ZNF423: variants seen among roughly 807,000 people sequenced by gnomAD.
ZNF423 encodes Ebf-associated zinc finger protein.
In ZNF423, 12 loss-of-function variants were observed where a neutral mutation model predicts 95.8. The observed-to-expected ratio is 0.13, with a 90% CI of 0.08 to 0.20. The LOEUF (loss-of-function observed/expected upper bound fraction) is 0.20. Among genes scored for constraint, ZNF423 ranks in the 10% least tolerant of loss-of-function variants. The pLI is 1.00. For synonymous variants in ZNF423, 749 were observed against 711.9 expected, an observed-to-expected ratio of 1.05 and a Z score of -0.83; for missense variants, 1,316 against 1,737.1, an observed-to-expected ratio of 0.76 and a Z score of 4.31.
At chr16:49,813,813 G>T (rs1209554477) in intron 1 of ZNF423, among the ~76,000 whole-genome samples, 1 of 152,238 alleles carries the variant, frequency 6.6e-6, no homozygotes, top group Admixed American at 6.5e-5. Context: ...TGAGACCATG[G>T]AGATGGTCCT....
intron 7 of ZNF423, among the ~76,000 whole-genome samples, chr16:49,494,802 G>A (rs945942120): frequency 2.6e-5 from 4 of 152,184 alleles, no homozygotes; most frequent in South Asian, 2.1e-4. Context: ...TTCAATAACC[G>A]TGAAAGAACC....
intron 1 of ZNF423, among the ~76,000 whole-genome samples, chr16:49,809,972 C>T (rs2034726242): frequency 6.6e-6 from 1 of 151,856 alleles, no homozygotes; most frequent in Admixed American, 6.6e-5. Context: ...CTCCTTCCCT[C>T]GAGGACAGGG....
At chr16:49,733,054 T>C (rs1217576325) in intron 2 of ZNF423, among the ~76,000 whole-genome samples, 1 of 152,198 alleles carries the variant, frequency 6.6e-6, no homozygotes, top group African/African-American at 2.4e-5. Context: ...CATATTTATC[T>C]CAGGGAATCT....
intron 3 of ZNF423, among the ~76,000 whole-genome samples, chr16:49,655,672 T>C (rs187664437): frequency 2.6e-5 from 4 of 152,274 alleles, no homozygotes; most frequent in African/African-American, 9.6e-5. Context: ...TCCTCCACTT[T>C]TGGAATAAAT....
At chr16:49,821,737 G>A (rs533675837) in intron 1 of ZNF423, among the ~76,000 whole-genome samples, 7 of 152,170 alleles carry the variant, frequency 4.6e-5, no homozygotes, top group South Asian at 2.1e-4. Context: ...TCCCTCCCCC[G>A]GTGTGTGCGA....
chr16:49,630,592 C>T (rs1311141654), intron 4 of ZNF423, among the ~76,000 whole-genome samples: 1 of 152,082 alleles, frequency 6.6e-6, no homozygotes, highest in Non-Finnish European at 1.5e-5. Flanking sequence ...GTCCCCCCTC[C>T]AAGGATGGCG....
At chr16:49,840,222 C>G (rs2035168585) in intron 1 of ZNF423, among the ~76,000 whole-genome samples, 1 of 152,136 alleles carries the variant, frequency 6.6e-6, no homozygotes, top group African/African-American at 2.4e-5. Flanking sequence ...GAGTCCCACG[C>G]TGGCATTTTA....
intron 4 of ZNF423, among the ~76,000 whole-genome samples, chr16:49,631,418 AC>A (rs1972491446): frequency 6.8e-6 from 1 of 147,430 alleles, no homozygotes; most frequent in African/African-American, 2.5e-5. Flanking sequence ...CCCACTCTCA[AC>A]CCCCCTGGAG....
Position 49,488,596 on chromosome 16 carries a change from A to G in ZNF423, c.*2679T>C, listed in dbSNP as rs949744067. 6.6e-6 allele frequency: 1 copy of G among 152,208 alleles called. No individual in the cohort carries two copies. The highest frequency in any genetic ancestry group is 1.5e-5 in the Non-Finnish European group (1 of 68,054). The allele number at this position is 152,208 out of a possible 1,614,324, so 9.4% of individuals were successfully genotyped here. On this transcript the variant is annotated 3_prime_UTR_variant, in exon 8 of 8. Transcript: ENST00000563137. ...ATGCCTGGCACCATCATTGATGACC[A>G]TGCTGCTTACAGGTCTCTGTGTGCA... is the stretch of plus-strand genomic sequence containing the variant.
intron 3 of ZNF423, among the ~76,000 whole-genome samples, chr16:49,650,576 T>C (rs947577107): frequency 1.3e-5 from 2 of 152,182 alleles, no homozygotes; most frequent in Non-Finnish European, 2.9e-5. Flanking sequence ...GTGGTGGTCA[T>C]GGTGGTTTTG....
At chr16:49,807,137 A>G (rs2034676999) in intron 1 of ZNF423, among the ~76,000 whole-genome samples, 1 of 151,814 alleles carries the variant, frequency 6.6e-6, no homozygotes, top group Admixed American at 6.6e-5. Context: ...TTTCATATTA[A>G]AAGCCCAAGC....
At chr16:49,806,207 G>A (rs2034660719) in intron 1 of ZNF423, among the ~76,000 whole-genome samples, 2 of 152,266 alleles carry the variant, frequency 1.3e-5, no homozygotes, top group African/African-American at 4.8e-5. Context: ...GGAAGGTGGT[G>A]GAGCGGGGGG....
intron 7 of ZNF423, among the ~76,000 whole-genome samples, chr16:49,512,974 T>C (rs1967959472): frequency 6.6e-6 from 1 of 152,070 alleles, no homozygotes; most frequent in African/African-American, 2.4e-5. Flanking sequence ...TGGGCACCTG[T>C]AATCCCAGCT....
At chr16:49,771,688 C>T (rs557362198) in intron 2 of ZNF423, among the ~76,000 whole-genome samples, 47 of 152,320 alleles carry the variant, frequency 3.1e-4, no homozygotes, top group South Asian at 1.4e-3. Flanking sequence ...TCTTGCCTGA[C>T]ACCATGTAAG....
chr16:49,748,901 C>A (rs1298811329), intron 2 of ZNF423, among the ~76,000 whole-genome samples: 2 of 152,134 alleles, frequency 1.3e-5, no homozygotes, highest in Admixed American at 6.5e-5. Flanking sequence ...AGGTTCTGAG[C>A]CCCGCTGTGT....
intron 5 of ZNF423, among the ~76,000 whole-genome samples, 189 bp from the exon 6 acceptor site, chr16:49,525,683 C>G (rs953791050): frequency 6.6e-6 from 1 of 152,106 alleles, no homozygotes; most frequent in Non-Finnish European, 1.5e-5. Flanking sequence ...CTTACAGACC[C>G]CAGAGGACCG....
rs1040844944 is a variant in ZNF423 at position 49,490,378 on chromosome 16, C to T, written c.*897G>A. ...CAAGAGTGGGAAGATCAGGGTATTCCATCATTAAGGGGTCTTCTGCTTTGA... is the reference window on the plus strand; with the variant it reads ...CAAGAGTGGGAAGATCAGGGTATTCTATCATTAAGGGGTCTTCTGCTTTGA... On this transcript the variant is annotated 3_prime_UTR_variant, in exon 8 of 8. Coordinates refer to ENST00000563137, the MANE Select transcript of ZNF423 (RefSeq NM_001379286.1). 1 of 152,248 alleles carries T rather than the reference C, an allele frequency of 6.6e-6. No homozygotes were observed. Among genetic ancestry groups the T allele is most frequent in the South Asian group, 2.1e-4 (1 of 4,834 alleles). The allele number at this position is 152,248 out of a possible 1,614,324, so 9.4% of individuals were successfully genotyped here.
chr16:49,647,584 TATG>T (rs1485539442), intron 3 of ZNF423, among the ~76,000 whole-genome samples: 1 of 152,028 alleles, frequency 6.6e-6, no homozygotes, highest in Non-Finnish European at 1.5e-5. Context: ...GGTGATGCAA[TATG>T]AGAAGGACCC....
At chr16:49,793,349 G>A (rs2034446717) in intron 1 of ZNF423, among the ~76,000 whole-genome samples, 1 of 152,202 alleles carries the variant, frequency 6.6e-6, no homozygotes, top group Non-Finnish European at 1.5e-5. Flanking sequence ...CTAAGAGGGA[G>A]TTCTGCTGCC....
Sources: allele counts gnomAD v4.1 joint callset (sites outside exome capture counted in the v4.1 genomes callset), GRCh38; gene constraint gnomAD v4.1.1; transcripts MANE v1.5; gene names NCBI Gene and HGNC (gene_info 2026-07-23, HGNC 2026-07-21).